The following AUTS2 variants were observed in gnomAD, a reference collection of about 807,000 sequenced individuals.
The protein encoded by AUTS2 is autism susceptibility gene 2 protein.
AUTS2 carries 17 observed loss-of-function variants against 112.4 expected under a neutral mutation model. That is an observed-to-expected ratio of 0.15 (90% CI 0.10 to 0.23). AUTS2 has a LOEUF of 0.23. AUTS2 is among the 10% of genes least tolerant of loss of function. The probability of loss-of-function intolerance (pLI) is 1.00; values close to 1 mark genes in which losing one functional copy is unlikely to be tolerated. For missense variants in AUTS2, 1,510 were observed against 1,701.6 expected (o/e 0.89, Z 1.98); for synonymous variants, 751 against 702.7 (o/e 1.07, Z -1.09).
intron 1 of AUTS2, among the ~76,000 whole-genome samples, chr7:69,727,081 A>C (rs565552939): frequency 1.3e-5 from 2 of 152,226 alleles, no homozygotes; most frequent in South Asian, 4.2e-4. Flanking sequence ...CTCACTAAGA[A>C]ATCTTTTCTT....
intron 5 of AUTS2, among the ~76,000 whole-genome samples, chr7:70,621,473 C>T (rs1173942499): frequency 6.6e-6 from 1 of 152,216 alleles, no homozygotes; most frequent in African/African-American, 2.4e-5. Context: ...GCAACTTTCG[C>T]CTCATGTGTA....
chr7:70,421,662 A>G (rs1795222976), intron 4 of AUTS2, among the ~76,000 whole-genome samples: 1 of 152,158 alleles, frequency 6.6e-6, no homozygotes, highest in African/African-American at 2.4e-5. Context: ...ACTCGGGGAG[A>G]CTGAAGCTGG....
intron 2 of AUTS2, among the ~76,000 whole-genome samples, chr7:70,101,529 T>C (rs1804495536): frequency 6.6e-6 from 1 of 151,930 alleles, no homozygotes; most frequent in Admixed American, 6.6e-5. Flanking sequence ...ACACCGTCTT[T>C]ACTAAAAATA....
chr7:69,831,896 T>G (rs1410776004), intron 1 of AUTS2, among the ~76,000 whole-genome samples: 1 of 152,234 alleles, frequency 6.6e-6, no homozygotes, highest in Non-Finnish European at 1.5e-5. Flanking sequence ...GCTTTGGCCC[T>G]TGGCATGATT....
At position 70,703,811 on chromosome 7, in the gene AUTS2, C is replaced by T. The variant is rs561262286; in HGVS notation, c.742+5191C>T. On this transcript the variant is annotated intron_variant, in intron 6 of 18. Transcript: ENST00000342771. ...GAACATCACTCATTTATTTTTCTCC[C>T]TCTGGACCTTCTTTGTACTATTTCA... Among the ~76,000 whole-genome samples the T allele has an allele frequency of 5.9e-5, 9 of 152,262 alleles. No homozygotes were observed. In the South Asian group the frequency reaches 1.9e-3, roughly 32 times the overall value.
At chr7:70,552,709 C>A (rs1037424189) in intron 5 of AUTS2, among the ~76,000 whole-genome samples, 2 of 152,196 alleles carry the variant, frequency 1.3e-5, no homozygotes, top group Non-Finnish European at 2.9e-5. Flanking sequence ...TGATCAGTTA[C>A]ATTTTTCCAG....
At chr7:70,112,801 A>G (rs1375308149) in intron 2 of AUTS2, among the ~76,000 whole-genome samples, 2 of 152,106 alleles carry the variant, frequency 1.3e-5, no homozygotes, top group Non-Finnish European at 2.9e-5. Flanking sequence ...ATATCTATCC[A>G]TCTCTCTGTC....
chr7:69,713,852 T>C (rs1438979964), intron 1 of AUTS2, among the ~76,000 whole-genome samples: 2 of 152,198 alleles, frequency 1.3e-5, no homozygotes, highest in Non-Finnish European at 2.9e-5. Flanking sequence ...TGTATTTTCA[T>C]TGACTTAACG....
intron 4 of AUTS2, among the ~76,000 whole-genome samples, chr7:70,155,816 C>T (rs1807717241): frequency 1.3e-5 from 2 of 152,044 alleles, no homozygotes; most frequent in Admixed American, 1.3e-4. Flanking sequence ...GGCCACTATA[C>T]CTCTTTGGAG....
Position 70,328,763 on chromosome 7 carries a change from T to G in AUTS2, c.661-106989T>G, listed in dbSNP as rs559656775. Among the ~76,000 whole-genome samples the G allele has an allele frequency of 1.4e-4, 21 of 152,326 alleles. 1 individual carries two copies. In the South Asian group the frequency reaches 4.3e-3, roughly 32 times the overall value. ...TTTAAGAGAATGGAAAAGAAGTTATTTCTTTTAAAAAAATCGTTTGAGATG... is the reference window on the plus strand; with the variant it reads ...TTTAAGAGAATGGAAAAGAAGTTATGTCTTTTAAAAAAATCGTTTGAGATG... On this transcript the variant is annotated intron_variant, in intron 4 of 18. Coordinates refer to ENST00000342771, the MANE Select transcript of AUTS2 (RefSeq NM_015570.4).
rs375959293 is a variant in AUTS2, at chr7:70,768,674, T to TA, written c.1734+614dup. On this transcript the variant is annotated intron_variant, in intron 10 of 18. Transcript: ENST00000342771. ...CTCATTCTCCTTTATTTAAAAAAAA[T>TA]AAAAAAAACTTGTTTTATGCCATTT... Among the ~76,000 whole-genome samples the TA allele has an allele frequency of 5.6e-3, 853 of 151,996 alleles. 10 individuals carry two copies. Among genetic ancestry groups the TA allele is most frequent in the African/African-American group, 0.019 (782 of 41,510 alleles).
chr7:69,655,038 C>T (rs537275734), intron 1 of AUTS2, among the ~76,000 whole-genome samples: 10 of 152,070 alleles, frequency 6.6e-5, no homozygotes, highest in African/African-American at 1.4e-4. Flanking sequence ...GCAAGTGTGT[C>T]GCCCAGCAGC....
At chr7:69,751,827 A>T (rs760588950) in intron 1 of AUTS2, among the ~76,000 whole-genome samples, 1 of 152,102 alleles carries the variant, frequency 6.6e-6, no homozygotes, top group Middle Eastern at 3.2e-3. Context: ...GTGACCTTGG[A>T]TCTTACTTTA....
chr7:70,464,672 G>A (rs1797102826), intron 5 of AUTS2, among the ~76,000 whole-genome samples: 1 of 152,210 alleles, frequency 6.6e-6, no homozygotes, highest in South Asian at 2.1e-4. Context: ...ATTTTGGAAA[G>A]TGCCAGAATA....
chr7:70,021,085 C>G (rs150186401), intron 2 of AUTS2, among the ~76,000 whole-genome samples: 2 of 152,058 alleles, frequency 1.3e-5, no homozygotes, highest in East Asian at 1.9e-4. Flanking sequence ...TGGATTCAAG[C>G]GATTCTCCTG....
chr7:70,146,905 G>T (rs1479748951), intron 4 of AUTS2, among the ~76,000 whole-genome samples: 1 of 152,122 alleles, frequency 6.6e-6, no homozygotes, highest in African/African-American at 2.4e-5. Context: ...AAGCCAGTGT[G>T]CAATTTTGGA....
At chr7:70,145,245 G>A in intron 4 of AUTS2, among the ~76,000 whole-genome samples, 1 of 152,070 alleles carries the variant, frequency 6.6e-6, no homozygotes, top group Non-Finnish European at 1.5e-5. Flanking sequence ...AGATACATCT[G>A]GAAAGAGTTT....
At chr7:70,080,730 G>A (rs1258097793) in intron 2 of AUTS2, among the ~76,000 whole-genome samples, 1 of 152,134 alleles carries the variant, frequency 6.6e-6, no homozygotes, top group African/African-American at 2.4e-5. Context: ...TGTAAATGGT[G>A]AGATTTTTGC....
At chr7:70,189,061 A>G (rs1253770018) in intron 4 of AUTS2, among the ~76,000 whole-genome samples, 1 of 152,172 alleles carries the variant, frequency 6.6e-6, no homozygotes, top group Non-Finnish European at 1.5e-5. Flanking sequence ...ACCTGGTGAA[A>G]AGAAAGACCA....
Sources: gnomAD v4.1 joint callset for allele counts (sites outside exome capture counted in the v4.1 genomes callset) on GRCh38, gnomAD v4.1.1 for gene constraint, MANE v1.5 for transcripts, NCBI Gene and HGNC (gene_info 2026-07-23, HGNC 2026-07-21) for gene names.